CCDC82: variants seen among roughly 807,000 people sequenced by gnomAD.
CCDC82 encodes coiled-coil domain-containing protein 82.
Under a neutral mutation model 60.6 loss-of-function variants are expected in CCDC82, and 47 were observed. That is an observed-to-expected ratio of 0.77 (90% confidence interval 0.61 to 0.99). The LOEUF is 0.99. CCDC82 is among the 50% of genes least tolerant of loss of function. The probability of loss-of-function intolerance (pLI) is 0.00; values close to 1 mark genes in which losing one functional copy is unlikely to be tolerated. For synonymous variants in CCDC82, 212 were observed against 207.4 expected, an observed-to-expected ratio of 1.02 and a Z score of -0.19; for missense variants, 588 against 633.0, an observed-to-expected ratio of 0.93 and a Z score of 0.76.
intron 1 of CCDC82, chr11:96,388,560 C>A (rs971752142): frequency 1.3e-5 from 2 of 152,204 alleles, no homozygotes; most frequent in African/African-American, 4.8e-5. Context: ...TGTGTTCTTT[C>A]TCTAACACAG....
chr11:96,358,225 A>G, intron 9 of CCDC82: 1 of 1,026,818 alleles, frequency 9.7e-7, no homozygotes, highest in Non-Finnish European at 1.2e-6. Flanking sequence ...CTGAAAATCT[A>G]CTATTTGTTC....
chr11:96,369,182 C>T (rs1396065591), intron 7 of CCDC82, among the ~76,000 whole-genome samples: 2 of 152,190 alleles, frequency 1.3e-5, no homozygotes, highest in African/African-American at 4.8e-5. Context: ...AATGTTGTAG[C>T]TAGTTTGATC....
intron 1 of CCDC82, chr11:96,388,084 T>TA (rs1255363264): frequency 1.3e-5 from 2 of 152,232 alleles, no homozygotes; most frequent in African/African-American, 2.4e-5. Context: ...ATCAGTAAGG[T>TA]AAAAAATTCT....
chr11:96,372,716 ATATT>A (rs1413791302), intron 6 of CCDC82, among the ~76,000 whole-genome samples: 2 of 144,996 alleles, frequency 1.4e-5, no homozygotes, highest in Admixed American at 1.4e-4. Flanking sequence ...ATATACATAT[ATATT>A]TATATATATA....
At position 96,352,887 on chromosome 11, in the gene CCDC82, C is replaced by G. The variant is rs563618734; in HGVS notation, c.*759G>C. ...TTTTGGCTGAGTTTGTCTCTTTCAG[C>G]AGTTCTGACCCTAAGATACATACTT... On this transcript the variant is annotated 3_prime_UTR_variant, in exon 10 of 10. Coordinates refer to ENST00000646818, the MANE Select transcript of CCDC82 (RefSeq NM_024725.4). 1 of 152,148 alleles carries G rather than the reference C, an allele frequency of 6.6e-6. No homozygotes were observed. Among genetic ancestry groups the G allele is most frequent in the Non-Finnish European group, 1.5e-5 (1 of 68,020 alleles). 9.4% of individuals were successfully genotyped at this position (152,148 alleles called of 1,614,324 possible).
At chr11:96,360,852 T>C (rs892362309) in intron 8 of CCDC82, among the ~76,000 whole-genome samples, 2 of 152,240 alleles carry the variant, frequency 1.3e-5, no homozygotes. Flanking sequence ...GTTTGATGTG[T>C]TTTCTTGTGA....
At chr11:96,361,127 C>T (rs140764943) in intron 8 of CCDC82, among the ~76,000 whole-genome samples, 20 of 152,252 alleles carry the variant, frequency 1.3e-4, no homozygotes, top group Non-Finnish European at 2.6e-4. Flanking sequence ...CAAAAGTTGC[C>T]GTGACTATAA....
chr11:96,389,153 G>A (rs538127049), intron 1 of CCDC82: 1 of 152,292 alleles, frequency 6.6e-6, no homozygotes. Flanking sequence ...TAAACATAAA[G>A]AGAGGAAAGC....
At chr11:96,361,906 T>C (rs1446981805) in intron 8 of CCDC82, among the ~76,000 whole-genome samples, 1 of 152,124 alleles carries the variant, frequency 6.6e-6, no homozygotes, top group African/African-American at 2.4e-5. Context: ...CTGTGGTGAG[T>C]GTTCACAAAG....
intron 5 of CCDC82, chr11:96,381,805 C>T (rs1009459543): frequency 2.0e-5 from 3 of 151,730 alleles, no homozygotes; most frequent in Admixed American, 6.6e-5. Flanking sequence ...TCTGTGATTT[C>T]AAGTAATAAC....
At chr11:96,381,962 C>T (rs1401220181) in intron 5 of CCDC82, 2 of 151,844 alleles carry the variant, frequency 1.3e-5, no homozygotes, top group Admixed American at 1.3e-4. Context: ...CCACTATGCA[C>T]TCACAGTAAA....
intron 5 of CCDC82, among the ~76,000 whole-genome samples, chr11:96,376,945 G>A (rs1283388812): frequency 6.6e-6 from 1 of 152,110 alleles, no homozygotes; most frequent in African/African-American, 2.4e-5. Context: ...AGCTTCCTGG[G>A]ACACTACAGA....
At chr11:96,388,852 G>A (rs1422066163) in intron 1 of CCDC82, 1 of 152,170 alleles carries the variant, frequency 6.6e-6, no homozygotes, top group Non-Finnish European at 1.5e-5. Context: ...AGTTTGGAGA[G>A]CAAAGATTAA....
intron 5 of CCDC82, among the ~76,000 whole-genome samples, chr11:96,377,164 A>G (rs2136170283): frequency 6.6e-6 from 1 of 152,346 alleles, no homozygotes; most frequent in East Asian, 1.9e-4. Flanking sequence ...CAGAGGCAGA[A>G]CAAGAAACTG....
intron 5 of CCDC82, among the ~76,000 whole-genome samples, chr11:96,374,249 G>A (rs1038257098): frequency 2.0e-5 from 3 of 152,170 alleles, no homozygotes; most frequent in Non-Finnish European, 2.9e-5. Context: ...TGAGTATTTC[G>A]AGAAATATAG....
chr11:96,386,860 T>TA (rs1277694591), intron 2 of CCDC82: 1 of 152,176 alleles, frequency 6.6e-6, no homozygotes, highest in Non-Finnish European at 1.5e-5. Context: ...AATTACCCTT[T>TA]AAAAAAATCT....
chr11:96,361,618 C>T (rs115036523), intron 8 of CCDC82, among the ~76,000 whole-genome samples: 1 of 152,162 alleles, frequency 6.6e-6, no homozygotes, highest in Non-Finnish European at 1.5e-5. Context: ...GTGAACTTAA[C>T]CCCTCACTCA....
Position 96,383,476 on chromosome 11 carries a change from A to G in CCDC82, c.787-3T>C. On this transcript the variant is annotated splice_polypyrimidine_tract_variant and splice_region_variant and intron_variant, in intron 4 of 9. Coordinates refer to ENST00000646818, the MANE Select transcript of CCDC82 (RefSeq NM_024725.4). ...GGGCAAGATTCCTTTTCAGAGTCCT[A>G]ATTAAATTAAAATAAATGCTTCAGT... is the stretch of plus-strand genomic sequence containing the variant. The G allele has an allele frequency of 6.4e-7, 1 of 1,571,592 alleles. No individual in the cohort carries two copies. The highest frequency in any genetic ancestry group is 1.2e-5 in the South Asian group (1 of 86,392).
At chr11:96,369,589 T>A (rs1420051753) in intron 7 of CCDC82, among the ~76,000 whole-genome samples, 1 of 152,204 alleles carries the variant, frequency 6.6e-6, no homozygotes, top group Non-Finnish European at 1.5e-5. Flanking sequence ...AGTTCACTAT[T>A]ATATGGGCAT....
Sources: gnomAD v4.1 joint callset for allele counts (sites outside exome capture counted in the v4.1 genomes callset) on GRCh38, gnomAD v4.1.1 for gene constraint, MANE v1.5 for transcripts, NCBI Gene and HGNC (gene_info 2026-07-23, HGNC 2026-07-21) for gene names.